TRIM54: variants seen among roughly 807,000 people sequenced by gnomAD.
TRIM54 encodes tripartite motif-containing protein 54.
Under a neutral mutation model 42.0 loss-of-function variants are expected in TRIM54, and 40 were observed. That is an observed-to-expected ratio of 0.95 (90% CI 0.74 to 1.24). TRIM54 has a LOEUF of 1.24. Among genes scored for constraint, TRIM54 ranks in the 50% most tolerant of loss-of-function variants. The probability of loss-of-function intolerance (pLI) is 0.00; values close to 1 mark genes in which losing one functional copy is unlikely to be tolerated. For missense variants in TRIM54, 485 were observed against 480.3 expected (o/e 1.01, Z -0.09); for synonymous variants, 199 against 194.9 (o/e 1.02, Z -0.17).
intron 1 of TRIM54, among the ~76,000 whole-genome samples, chr2:27,283,736 C>G (rs577627949): frequency 7.2e-6 from 1 of 139,320 alleles, no homozygotes; most frequent in African/African-American, 2.7e-5. Context: ...TAAAATGGAA[C>G]AGAGATCAGG....
At chr2:27,296,804 G>C (rs1678880240) in intron 1 of TRIM54, among the ~76,000 whole-genome samples, 1 of 152,186 alleles carries the variant, frequency 6.6e-6, no homozygotes, top group Admixed American at 6.5e-5. Flanking sequence ...TGTTGCCCAG[G>C]CTGGAGTGCA....
At chr2:27,297,168 C>T (rs879766196) in intron 1 of TRIM54, among the ~76,000 whole-genome samples, 1 of 152,214 alleles carries the variant, frequency 6.6e-6, no homozygotes, top group African/African-American at 2.4e-5. Flanking sequence ...ATCTCTGCAT[C>T]TCCCCACACA....
intron 1 of TRIM54, among the ~76,000 whole-genome samples, chr2:27,292,028 A>G (rs559763898): frequency 5.9e-5 from 9 of 152,296 alleles, no homozygotes; most frequent in Admixed American, 5.9e-4. Flanking sequence ...CAAGACAGGA[A>G]CTTTTCAAAG....
At chr2:27,304,801 C>T (rs903472723) in intron 3 of TRIM54, 158 bp from the exon 4 acceptor site, 13 of 563,196 alleles carry the variant, frequency 2.3e-5, no homozygotes, top group Middle Eastern at 4.6e-4. Context: ...AATGTGCTTC[C>T]GTACCTCTTG....
At chr2:27,283,656 T>C (rs1678447480) in intron 1 of TRIM54, among the ~76,000 whole-genome samples, 1 of 151,684 alleles carries the variant, frequency 6.6e-6, no homozygotes, top group African/African-American at 2.4e-5. Flanking sequence ...AAAAGCAGCA[T>C]ATACCAGAAT....
chr2:27,290,524 G>A (rs904706274), intron 1 of TRIM54, among the ~76,000 whole-genome samples: 3 of 152,112 alleles, frequency 2.0e-5, no homozygotes, highest in African/African-American at 7.2e-5. Context: ...AAATTAGCCG[G>A]GCATGGTGGC....
At chr2:27,294,259 C>T (rs1385673619) in intron 1 of TRIM54, among the ~76,000 whole-genome samples, 1 of 151,912 alleles carries the variant, frequency 6.6e-6, no homozygotes, top group Non-Finnish European at 1.5e-5. Flanking sequence ...CTCCCAAATA[C>T]CTGGGACTAA....
intron 3 of TRIM54, among the ~76,000 whole-genome samples, chr2:27,301,475 T>C (rs1679034793): frequency 6.6e-6 from 1 of 152,118 alleles, no homozygotes; most frequent in East Asian, 1.9e-4. Flanking sequence ...CTTGATGATA[T>C]GCTAAACAAG....
intron 1 of TRIM54, among the ~76,000 whole-genome samples, chr2:27,284,920 ACT>A (rs1678514406): frequency 6.6e-6 from 1 of 151,818 alleles, no homozygotes. Flanking sequence ...ATTTAAGTCA[ACT>A]CTCTCTATCC....
At chr2:27,289,173 G>A (rs1242981218) in intron 1 of TRIM54, among the ~76,000 whole-genome samples, 4 of 152,088 alleles carry the variant, frequency 2.6e-5, no homozygotes, top group South Asian at 2.1e-4. Flanking sequence ...TGTGTGTGCC[G>A]TGGACCAATG....
chr2:27,304,723 G>C (rs1255833617), intron 3 of TRIM54: 2 of 443,438 alleles, frequency 4.5e-6, no homozygotes, highest in African/African-American at 1.9e-5. Flanking sequence ...GTGGATGTTT[G>C]GAGACTGTCT....
intron 3 of TRIM54, among the ~76,000 whole-genome samples, chr2:27,303,583 A>G (rs910902725): frequency 5.3e-5 from 8 of 152,046 alleles, no homozygotes; most frequent in African/African-American, 1.9e-4. Context: ...ACCGTAGGTT[A>G]AACTAGGATC....
intron 1 of TRIM54, among the ~76,000 whole-genome samples, chr2:27,284,796 G>C (rs1448744228): frequency 6.6e-6 from 1 of 152,186 alleles, no homozygotes; most frequent in Admixed American, 6.5e-5. Context: ...CTAAGGTGAT[G>C]TGTCCTGTAG....
chr2:27,292,419 T>A (rs1174757445), intron 1 of TRIM54, among the ~76,000 whole-genome samples: 1 of 152,192 alleles, frequency 6.6e-6, no homozygotes, highest in South Asian at 2.1e-4. Flanking sequence ...AAACTTTTTT[T>A]AAAAATTAGC....
rs1411121199 is a variant in TRIM54 at position 27,306,082 on chromosome 2, G to C, written c.846G>C (p.Gln282His). ...CACCCTCCTTTTCTTCCCTGCAGCAGGCCAAGGAGCTGATCAATAAGTGAG... is the reference window on the plus strand; with the variant it reads ...CACCCTCCTTTTCTTCCCTGCAGCACGCCAAGGAGCTGATCAATAAGTGAG... ...EEPQMALYLQ[Q>H]AKELINKVGA... is the part of the protein sequence containing the mutation. The change falls in exon 6 of 9, where the codon CAG (glutamine) becomes CAC (histidine). Residue 282 changes from glutamine (Q) to histidine (H), a missense_variant and splice_region_variant. Coordinates refer to ENST00000380075, the MANE Select transcript of TRIM54 (RefSeq NM_187841.3). The surrounding 1 kb of genome is among the most constrained non-coding windows in gnomAD (Gnocchi z 6.1). The C allele has an allele frequency of 1.2e-6, 2 of 1,613,892 alleles. No homozygotes were observed. The highest frequency in any genetic ancestry group is 3.3e-5 in the Admixed American group (2 of 60,022).
intron 1 of TRIM54, among the ~76,000 whole-genome samples, chr2:27,284,632 T>G (rs575008604): frequency 6.6e-6 from 1 of 152,272 alleles, no homozygotes; most frequent in East Asian, 1.9e-4. Context: ...CATCTTGGTT[T>G]TTCCTTGGTC....
At chr2:27,284,136 A>G (rs1678490633) in intron 1 of TRIM54, among the ~76,000 whole-genome samples, 1 of 152,200 alleles carries the variant, frequency 6.6e-6, no homozygotes, top group Non-Finnish European at 1.5e-5. Context: ...CCATCTCAAA[A>G]AAACAAAAAC....
Position 27,282,738 on chromosome 2 carries a change from T to A in TRIM54, c.7T>A (p.Phe3Ile), listed in dbSNP as rs1678416339. 1 of 1,611,176 alleles carries A rather than the reference T, an allele frequency of 6.2e-7. No homozygotes were observed. The highest frequency in any genetic ancestry group is 8.5e-7 in the Non-Finnish European group (1 of 1,178,664). MN[F>I]TVGFKPLLGD... is the part of the protein sequence containing the mutation. ...AGGCACGACCACCGAGGGGATGAACTTCACAGTGGGTTTCAAGCCGCTGCT... is the reference window on the plus strand; with the variant it reads ...AGGCACGACCACCGAGGGGATGAACATCACAGTGGGTTTCAAGCCGCTGCT... Residue 3 changes from phenylalanine to isoleucine, a missense_variant, in exon 1 of 9, where the codon TTC (phenylalanine) becomes ATC (isoleucine). By Grantham distance (21) the Phe-to-Ile change is conservative. Coordinates refer to ENST00000380075, the MANE Select transcript of TRIM54 (RefSeq NM_187841.3).
intron 1 of TRIM54, among the ~76,000 whole-genome samples, chr2:27,293,342 T>G (rs1399392753): frequency 1.3e-5 from 2 of 152,196 alleles, no homozygotes; most frequent in African/African-American, 2.4e-5. Flanking sequence ...GTGCCTTCTT[T>G]GGTGAATAGA....
Sources: gnomAD v4.1 joint callset for allele counts (sites outside exome capture counted in the v4.1 genomes callset) on GRCh38, gnomAD v4.1.1 for gene constraint, Gnocchi (gnomAD v3.1) non-coding constraint, MANE v1.5 for transcripts, NCBI Gene and HGNC (gene_info 2026-07-23, HGNC 2026-07-21) for gene names.